TRAPPC6B: variants seen among roughly 807,000 people sequenced by gnomAD.
The protein encoded by TRAPPC6B is trafficking protein particle complex subunit 6B, also known as TRAPP complex subunit 6B.
In TRAPPC6B, 27 loss-of-function variants were observed where a neutral mutation model predicts 24.7. That is an observed-to-expected ratio of 1.09 (90% CI 0.81 to 1.51). TRAPPC6B has a LOEUF of 1.51. Ranked by LOEUF, TRAPPC6B falls within the 40% of genes most tolerant of loss-of-function variation. TRAPPC6B has a pLI of 0.00. For synonymous variants in TRAPPC6B, 80 were observed against 66.6 expected, an observed-to-expected ratio of 1.20 and a Z score of -0.98; for missense variants, 212 against 190.8, an observed-to-expected ratio of 1.11 and a Z score of -0.66.
chr14:39,151,590 T>TG (rs1236803942), intron 5 of TRAPPC6B, among the ~76,000 whole-genome samples, 156 bp downstream of exon 5: 6 of 151,892 alleles, frequency 4.0e-5, no homozygotes. Context: ...TGAAAATGAA[T>TG]GTAGTATGCT....
intron 4 of TRAPPC6B, 25 bp downstream of exon 4, chr14:39,154,186 C>T (rs780135749): frequency 1.3e-6 from 2 of 1,485,380 alleles, no homozygotes; most frequent in East Asian, 2.3e-5. Context: ...TTAACAAAAA[C>T]CCCAACTTCT....
rs2052880960 is a variant in TRAPPC6B at position 39,148,536 on chromosome 14, C to T, written c.*1814G>A. Reference sequence around the variant, plus strand: ...GGCATATGAATGTCTAACAAACCAACTTATTTGAACCCAGCTTTTTCACAC... The same window carrying T: ...GGCATATGAATGTCTAACAAACCAATTTATTTGAACCCAGCTTTTTCACAC... On this transcript the variant is annotated 3_prime_UTR_variant, in exon 6 of 6. Coordinates refer to ENST00000330149, the MANE Select transcript of TRAPPC6B (RefSeq NM_001079537.2). 7.6e-6 allele frequency: 3 copies of T among 396,946 alleles called. No individual in the cohort carries two copies. Among genetic ancestry groups the T allele is most frequent in the East Asian group, 3.6e-5 (1 of 27,952 alleles). 24.6% of individuals were successfully genotyped at this position (396,946 alleles called of 1,614,324 possible).
intron 3 of TRAPPC6B, chr14:39,156,943 T>A (rs957322957): frequency 6.4e-6 from 1 of 156,606 alleles, no homozygotes; most frequent in African/African-American, 2.4e-5. Context: ...AAACCCCACC[T>A]CTACTAAAAA....
chr14:39,150,909 A>G (rs1189118862), intron 5 of TRAPPC6B, among the ~76,000 whole-genome samples: 3 of 152,084 alleles, frequency 2.0e-5, no homozygotes, highest in Non-Finnish European at 4.4e-5. Flanking sequence ...TATGAATCCT[A>G]CATTTGGGTA....
intron 4 of TRAPPC6B, among the ~76,000 whole-genome samples, chr14:39,152,695 A>G (rs575564522): frequency 3.0e-4 from 46 of 152,328 alleles, no homozygotes; most frequent in Middle Eastern, 3.4e-3. Context: ...TGTGACCCCT[A>G]TGAAAATAAA....
rs138067193 is a variant in TRAPPC6B at position 39,165,792 on chromosome 14, GTCTCTC to G, written c.81+4217_81+4222del. 2.7e-5 allele frequency among the ~76,000 whole-genome samples: 4 copies of G among 150,262 alleles called. No homozygotes were observed. The East Asian group carries it at 5.9e-4, about 22-fold the overall frequency. On this transcript the variant is annotated intron_variant, in intron 1 of 5. Coordinates refer to ENST00000330149, the MANE Select transcript of TRAPPC6B (RefSeq NM_001079537.2). ...AGCCTGCATGACAGAGCAAGACATT[GTCTCTC>G]TCTCTCTCTCTCTGTTTTTTTTTGA...
Position 39,170,290 on chromosome 14 carries a change from C to A in TRAPPC6B, c.-195G>T. The A allele has an allele frequency of 1.7e-6, 1 of 580,368 alleles. No individual in the cohort carries two copies. The allele number at this position is 580,368 out of a possible 1,614,324, so 36.0% of individuals were successfully genotyped here. A position where few individuals can be genotyped will look rare whatever the true frequency, so the allele number is the denominator to read the frequency against. On this transcript the variant is annotated 5_prime_UTR_variant, in exon 1 of 6. Transcript: ENST00000330149. ...GAAATGAGTCTGGTACTGGAGAGAGCCCACACTTCGGGGCTACCAAATCCT... is the reference window on the plus strand; with the variant it reads ...GAAATGAGTCTGGTACTGGAGAGAGACCACACTTCGGGGCTACCAAATCCT...
chr14:39,157,606 A>T (rs1245759066), intron 3 of TRAPPC6B: 2 of 375,108 alleles, frequency 5.3e-6, no homozygotes, highest in South Asian at 2.1e-5. Flanking sequence ...CCCTTACCGC[A>T]TTATCAAGGG....
At position 39,153,161 on chromosome 14, in the gene TRAPPC6B, G is replaced by A. The variant is rs143124484; in HGVS notation, c.351+1050C>T. On this transcript the variant is annotated intron_variant, in intron 4 of 5. Transcript: ENST00000330149. Reference sequence around the variant, plus strand: ...CAAAAAATTAGCCAGGCATGGTGGCGCACACCTGTAATCCCAGCTACTCAG... The same window carrying A: ...CAAAAAATTAGCCAGGCATGGTGGCACACACCTGTAATCCCAGCTACTCAG... Among the ~76,000 whole-genome samples, 714 of 148,558 alleles carry A rather than the reference G, an allele frequency of 4.8e-3. 1 individual carries two copies. The highest frequency in any genetic ancestry group is 0.016 in the African/African-American group (658 of 40,240).
At chr14:39,158,205 GTTTTAAA>G (rs1438711923) in intron 3 of TRAPPC6B, 73 bp downstream of exon 3, 5 of 769,396 alleles carry the variant, frequency 6.5e-6, no homozygotes, top group Admixed American at 6.2e-5. Flanking sequence ...ATTATTTTAG[GTTTTAAA>G]TAAGTCACTA....
At chr14:39,162,049 C>T (rs1406577982) in intron 1 of TRAPPC6B, among the ~76,000 whole-genome samples, 1 of 152,216 alleles carries the variant, frequency 6.6e-6, no homozygotes, top group Non-Finnish European at 1.5e-5. Context: ...TCTGCTTCTA[C>T]CTAACATCAA....
At chr14:39,162,359 G>A (rs1474648587) in intron 1 of TRAPPC6B, among the ~76,000 whole-genome samples, 1 of 150,538 alleles carries the variant, frequency 6.6e-6, no homozygotes, top group East Asian at 2.0e-4. Context: ...ATCTCACTCT[G>A]TTACCCAGGC....
At chr14:39,158,878 T>C (rs2053019458) in intron 2 of TRAPPC6B, 1 of 152,836 alleles carries the variant, frequency 6.5e-6, no homozygotes, top group Admixed American at 6.5e-5. Context: ...CCTATCTCAA[T>C]GGATTCACAT....
chr14:39,164,898 T>C (rs904476011), intron 1 of TRAPPC6B, among the ~76,000 whole-genome samples: 2 of 152,176 alleles, frequency 1.3e-5, no homozygotes, highest in Non-Finnish European at 2.9e-5. Context: ...CATCATGGTA[T>C]GTCCTTTCCT....
At chr14:39,151,937 T>C in intron 4 of TRAPPC6B, 98 bp from the exon 5 acceptor site, 1 of 799,492 alleles carries the variant, frequency 1.3e-6, no homozygotes, top group Middle Eastern at 3.4e-4. Context: ...CAGTAAGTCA[T>C]TCCTGTTTAA....
Position 39,168,300 on chromosome 14 carries a change from G to C in TRAPPC6B, c.81+1715C>G, listed in dbSNP as rs563573086. Among the ~76,000 whole-genome samples, 4 of 152,144 alleles carry C rather than the reference G, an allele frequency of 2.6e-5. No individual in the cohort carries two copies. The South Asian group carries it at 8.3e-4, about 32-fold the overall frequency. On this transcript the variant is annotated intron_variant, in intron 1 of 5. Transcript: ENST00000330149. The stretch of plus-strand genomic sequence containing the variant: ...GAGAACTGAATACGCAAGTGGTTTG[G>C]GGGGATCGGGGGTTATGACAAAAAA...
At chr14:39,162,199 C>T (rs1322309008) in intron 1 of TRAPPC6B, among the ~76,000 whole-genome samples, 2 of 152,202 alleles carry the variant, frequency 1.3e-5, no homozygotes, top group African/African-American at 2.4e-5. Flanking sequence ...CTTGCTCTGT[C>T]GCCCAGGCTG....
chr14:39,161,216 C>T (rs979602835), intron 1 of TRAPPC6B, among the ~76,000 whole-genome samples: 1 of 152,218 alleles, frequency 6.6e-6, no homozygotes, highest in African/African-American at 2.4e-5. Flanking sequence ...CACATTCTAT[C>T]ACAGTAATGT....
intron 3 of TRAPPC6B, chr14:39,157,109 AAAAAAAAAAAAAAAAAAG>A: frequency 2.8e-5 from 1 of 36,060 alleles, no homozygotes; most frequent in Non-Finnish European, 5.2e-5. Flanking sequence ...TCCATCTCAA[AAAAAAAAAAAAAAAAAAG>A]AAAGAAAGAA....
Sources: gnomAD v4.1 joint callset for allele counts (sites outside exome capture counted in the v4.1 genomes callset) on GRCh38, gnomAD v4.1.1 for gene constraint, MANE v1.5 for transcripts, NCBI Gene and HGNC (gene_info 2026-07-23, HGNC 2026-07-21) for gene names.